Variants in PBX4 observed in about 807,000 individuals in gnomAD.
PBX4 encodes pre-B-cell leukemia transcription factor 4.
A neutral mutation model predicts 35.1 loss-of-function variants in PBX4; 26 were observed. The observed-to-expected ratio is 0.74, with a 90% CI of 0.54 to 1.03. The LOEUF (loss-of-function observed/expected upper bound fraction) is 1.03, where lower values mean the gene tolerates loss of function less well. Among genes scored for constraint, PBX4 ranks in the 50% least tolerant of loss-of-function variants. PBX4 has a pLI of 0.00. For missense variants in PBX4, 448 were observed against 504.3 expected (o/e 0.89, Z 1.07); for synonymous variants, 199 against 204.2 (o/e 0.97, Z 0.22).
In PBX4 at chr19:19,570,606, C is replaced by T; in HGVS notation, c.421G>A (p.Glu141Lys). 6.2e-7 allele frequency: 1 copy of T among 1,614,158 alleles called. No homozygotes were observed. ...ATCACCTGTTCATATTTCTCTAGCT[C>T]AGAGTGGTAAATCTGTCGGATCTGG... ...LSQIRQIYHS[E>K]LEKYEQACRE... The change falls in exon 3 of 8, where the codon GAG (glutamate) becomes AAG (lysine). Residue 141 changes from glutamate to lysine, a missense_variant. Glu to Lys is a moderately conservative substitution (Grantham distance 56). Coordinates refer to ENST00000251203, the MANE Select transcript of PBX4 (RefSeq NM_025245.3).
intron 2 of PBX4, among the ~76,000 whole-genome samples, chr19:19,591,713 C>T (rs980775654): frequency 6.6e-6 from 1 of 152,250 alleles, no homozygotes; most frequent in Admixed American, 6.6e-5. Context: ...GCTTTTCACA[C>T]AAGCTGTCAC....
chr19:19,603,479 T>G (rs1329930067), intron 1 of PBX4, among the ~76,000 whole-genome samples: 1 of 152,060 alleles, frequency 6.6e-6, no homozygotes, highest in Non-Finnish European at 1.5e-5. Context: ...CAGCTAATTT[T>G]TGTATTTTTA....
intron 5 of PBX4, among the ~76,000 whole-genome samples, chr19:19,565,664 T>A (rs1022191321): frequency 9.2e-5 from 14 of 152,156 alleles, no homozygotes; most frequent in African/African-American, 3.1e-4. Context: ...ACGCCTGTAA[T>A]CTCAGCACTT....
chr19:19,566,578 G>A (rs1242094396), intron 5 of PBX4, among the ~76,000 whole-genome samples: 2 of 152,194 alleles, frequency 1.3e-5, no homozygotes, highest in Non-Finnish European at 2.9e-5. Flanking sequence ...AGGCTGGAGT[G>A]CAGCGGTGCG....
rs374756898 is a variant in PBX4 at position 19,570,193 on chromosome 19, C to A, written c.548G>T (p.Gly183Val). The A allele has an allele frequency of 6.2e-7, 1 of 1,614,106 alleles. No individual in the cohort carries two copies. The highest frequency in any genetic ancestry group is 8.5e-7 in the Non-Finnish European group (1 of 1,180,024). The change falls in exon 4 of 8, where the codon GGC (glycine) becomes GTC (valine). Residue 183 changes from glycine (G) to valine (V), a missense_variant. By Grantham distance (109) the Gly-to-Val change is moderately radical. Transcript: ENST00000251203. ...CTGCATCTGGATGGCGCTGAACTTG[C>A]CGTGAATGGCGCCGACCATGCGCTC... is the stretch of plus-strand genomic sequence containing the variant. Reference protein sequence around the residue: ...EIERMVGAIHGKFSAIQMQLK... With the variant: ...EIERMVGAIHVKFSAIQMQLK...
intron 2 of PBX4, among the ~76,000 whole-genome samples, chr19:19,583,618 A>G (rs2061470190): frequency 6.6e-6 from 1 of 151,910 alleles, no homozygotes; most frequent in African/African-American, 2.4e-5. Context: ...CTCCCACCAA[A>G]AAAAGATACA....
intron 2 of PBX4, among the ~76,000 whole-genome samples, chr19:19,596,958 C>T (rs2061565234): frequency 6.6e-6 from 1 of 151,314 alleles, no homozygotes; most frequent in Non-Finnish European, 1.5e-5. Context: ...GCCTGTAATC[C>T]CAGCACTTTG....
At chr19:19,569,165 C>G (rs2061364133) in intron 5 of PBX4, among the ~76,000 whole-genome samples, 1 of 152,126 alleles carries the variant, frequency 6.6e-6, no homozygotes, top group African/African-American at 2.4e-5. Flanking sequence ...CTCAAGTGAT[C>G]CTTCCACCTC....
intron 2 of PBX4, among the ~76,000 whole-genome samples, chr19:19,583,931 T>A (rs1392826056): frequency 1.3e-5 from 2 of 152,136 alleles, no homozygotes; most frequent in Non-Finnish European, 2.9e-5. Context: ...TAGCTGGGCA[T>A]GGTGGCACAT....
chr19:19,618,299 G>A (rs1470773217), intron 1 of PBX4, among the ~76,000 whole-genome samples: 1 of 152,106 alleles, frequency 6.6e-6, no homozygotes, highest in Admixed American at 6.6e-5. Flanking sequence ...GCCCCAAGAT[G>A]AGCTGCTGAA....
intron 2 of PBX4, among the ~76,000 whole-genome samples, chr19:19,590,213 C>CT (rs2061518173): frequency 6.6e-6 from 1 of 152,184 alleles, no homozygotes; most frequent in Non-Finnish European, 1.5e-5. Context: ...TCTCTATGAG[C>CT]AGTCACTCTT....
chr19:19,572,070 CT>C (rs1249792389), intron 2 of PBX4, among the ~76,000 whole-genome samples: 1,211 of 69,044 alleles, frequency 0.018, no homozygotes, highest in Non-Finnish European at 0.026. Context: ...TAGAATCAGG[CT>C]TTTTTTTTTT....
intron 4 of PBX4, among the ~76,000 whole-genome samples, chr19:19,569,843 G>A (rs545051792): frequency 1.1e-4 from 17 of 152,342 alleles, no homozygotes; most frequent in African/African-American, 4.1e-4. Flanking sequence ...CTGGGAGGCG[G>A]AGGTTGTGGT....
chr19:19,599,321 C>T lies in PBX4; in HGVS notation c.164G>A (p.Ser55Asn). 1 of 1,613,466 alleles carries T rather than the reference C, an allele frequency of 6.2e-7. No homozygotes were observed. Among genetic ancestry groups the T allele is most frequent in the Non-Finnish European group, 8.5e-7 (1 of 1,179,596 alleles). ...NCHRMKPALF[S>N]VLCEIKEKTV... ...CTTTTCCTTGATCTCACAGAGCACG[C>T]TGAACAGAGCAGGCTTCATCCGATG... Residue 55 changes from serine (S) to asparagine (N), a missense_variant, in exon 2 of 8, where the codon AGC (serine) becomes AAC (asparagine). Transcript: ENST00000251203.
rs1285922635 is a variant in PBX4 at position 19,563,382 on chromosome 19, G to A, written c.1032+127C>T. The A allele has an allele frequency of 2.8e-6, 2 of 707,498 alleles. No individual in the cohort carries two copies. Among genetic ancestry groups the A allele is most frequent in the South Asian group, 2.0e-5 (1 of 50,256 alleles). 43.8% of individuals were successfully genotyped at this position (707,498 alleles called of 1,614,324 possible). ...GCTGTGCCCCAGAGGTGGCCGCGCA[G>A]CATGGCCTGTGTGGCTGCTGGGACC... is the stretch of plus-strand genomic sequence containing the variant. On this transcript the variant is annotated intron_variant, in intron 7 of 7. Transcript: ENST00000251203. This position sits in a 1 kb window ranked among gnomAD's most constrained non-coding sequence, Gnocchi z 5.1.
At chr19:19,581,694 T>G (rs181977456) in intron 2 of PBX4, among the ~76,000 whole-genome samples, 2 of 152,226 alleles carry the variant, frequency 1.3e-5, no homozygotes, top group Admixed American at 6.5e-5. Flanking sequence ...TTGGGAGACC[T>G]GTTTGGTGGG....
chr19:19,565,673 T>C (rs1179916953), intron 5 of PBX4, among the ~76,000 whole-genome samples: 3 of 152,106 alleles, frequency 2.0e-5, no homozygotes, highest in African/African-American at 7.2e-5. Flanking sequence ...ATCTCAGCAC[T>C]TTGGGAGGCT....
At chr19:19,586,657 A>T (rs1248986691) in intron 2 of PBX4, among the ~76,000 whole-genome samples, 1 of 152,110 alleles carries the variant, frequency 6.6e-6, no homozygotes, top group East Asian at 1.9e-4. Flanking sequence ...TAAGAAAAAC[A>T]GCACTTGGCC....
At chr19:19,603,817 C>A (rs2061612405) in intron 1 of PBX4, among the ~76,000 whole-genome samples, 1 of 151,842 alleles carries the variant, frequency 6.6e-6, no homozygotes, top group Admixed American at 6.6e-5. Flanking sequence ...ATTAGCCGGG[C>A]ATGATGGCAT....
Sources: gnomAD v4.1 joint callset for allele counts (sites outside exome capture counted in the v4.1 genomes callset) on GRCh38, gnomAD v4.1.1 for gene constraint, Gnocchi (gnomAD v3.1) non-coding constraint, MANE v1.5 for transcripts, NCBI Gene and HGNC (gene_info 2026-07-23, HGNC 2026-07-21) for gene names.